Variants in SLC4A4 observed in about 807,000 individuals in gnomAD.
SLC4A4 encodes electrogenic sodium bicarbonate cotransporter 1.
SLC4A4 carries 27 observed loss-of-function variants against 111.5 expected under a neutral mutation model. That is an observed-to-expected ratio of 0.24 (90% CI 0.18 to 0.33). The LOEUF is 0.33. Among genes scored for constraint, SLC4A4 ranks in the 10% least tolerant of loss-of-function variants. SLC4A4 has a pLI of 1.00. For missense variants in SLC4A4, 909 were observed against 1,315.5 expected, an observed-to-expected ratio of 0.69 and a Z score of 4.78; for synonymous variants, 443 against 463.4, an observed-to-expected ratio of 0.96 and a Z score of 0.57.
chr4:71,181,592 T>C lies in SLC4A4; in HGVS notation c.-1-54984T>C, dbSNP rs115889556. On this transcript the variant is annotated intron_variant, in intron 2 of 26. Transcript: ENST00000649996. ...AGCCTGAAATCTGTCTTAATAGAAA[T>C]ATATCCTGGGTAAGTAAGCTTCTCT... 7.1e-3 allele frequency among the ~76,000 whole-genome samples: 1,079 copies of C among 152,274 alleles called. 7 individuals are homozygous for C. Among genetic ancestry groups the C allele is most frequent in the Middle Eastern group, 0.027 (8 of 294 alleles).
At chr4:71,105,234 A>C (rs1176994785) in intron 2 of SLC4A4, among the ~76,000 whole-genome samples, 2 of 150,310 alleles carry the variant, frequency 1.3e-5, no homozygotes, top group African/African-American at 4.9e-5. Context: ...GGACCTCTTC[A>C]AGGAGAACTA....
intron 6 of SLC4A4, 125 bp from the exon 7 acceptor site, chr4:71,397,452 C>T (rs141554305): frequency 1.3e-4 from 112 of 853,942 alleles, no homozygotes; most frequent in African/African-American, 2.3e-4. Flanking sequence ...CAGAAGAATC[C>T]TAGTGTGGTT....
chr4:71,153,149 G>A (rs1023853663), intron 2 of SLC4A4, among the ~76,000 whole-genome samples: 1 of 151,710 alleles, frequency 6.6e-6, no homozygotes, highest in African/African-American at 2.4e-5. Context: ...GCCAGTCCGA[G>A]TCCCAAAACT....
chr4:71,436,983 A>T, intron 7 of SLC4A4: 1 of 351,908 alleles, frequency 2.8e-6, no homozygotes, highest in Non-Finnish European at 5.4e-6. Context: ...AAAAAAAAAG[A>T]TTCTTCAAAA....
chr4:71,157,844 G>A (rs1400197766), intron 2 of SLC4A4, among the ~76,000 whole-genome samples: 1 of 152,116 alleles, frequency 6.6e-6, no homozygotes, highest in Non-Finnish European at 1.5e-5. Context: ...CTCTAACAAG[G>A]AAAGCAACAG....
chr4:71,192,366 T>TA (rs1745771160), intron 1 of SLC4A4, among the ~76,000 whole-genome samples: 1 of 152,218 alleles, frequency 6.6e-6, no homozygotes, highest in Non-Finnish European at 1.5e-5. Context: ...ACTTTACTCC[T>TA]AGGACATCCC....
chr4:71,423,525 A>C (rs1343488093), intron 7 of SLC4A4, among the ~76,000 whole-genome samples: 1 of 152,210 alleles, frequency 6.6e-6, no homozygotes, highest in African/African-American at 2.4e-5. Context: ...AAGAGCCCGC[A>C]TCGCCAAGTC....
chr4:71,530,440 G>A (rs971696334), intron 16 of SLC4A4, among the ~76,000 whole-genome samples: 1 of 152,096 alleles, frequency 6.6e-6, no homozygotes, highest in Non-Finnish European at 1.5e-5. Context: ...AAATAATGGT[G>A]CAGGAGTTCC....
chr4:71,479,657 T>G (rs1728692550), intron 14 of SLC4A4, among the ~76,000 whole-genome samples: 1 of 151,800 alleles, frequency 6.6e-6, no homozygotes, highest in Non-Finnish European at 1.5e-5. Flanking sequence ...AATCATAAAC[T>G]AATGGTAAAA....
At position 71,349,823 on chromosome 4, in the gene SLC4A4, G is replaced by A. The variant is rs566761942; in HGVS notation, c.390-89G>A. ...AAAAAGAGACATTTTGGAAGTGCTG[G>A]AAGGGGTGAAGATGGAGGGGTTGAG... On this transcript the variant is annotated intron_variant, in intron 4 of 25. Transcript: ENST00000264485. The A allele has an allele frequency of 2.5e-6, 3 of 1,189,576 alleles. No homozygotes were observed. The African/African-American group carries it at 4.5e-5, about 18-fold the overall frequency. The allele number at this position is 1,189,576 out of a possible 1,614,324, so 73.7% of individuals were successfully genotyped here.
intron 2 of SLC4A4, among the ~76,000 whole-genome samples, chr4:71,114,445 G>A (rs562409396): frequency 6.7e-6 from 1 of 149,532 alleles, no homozygotes; most frequent in African/African-American, 2.5e-5. Flanking sequence ...ATCTGACAAA[G>A]GGCTAATATC....
chr4:71,453,263 A>G (rs949284748), intron 11 of SLC4A4, among the ~76,000 whole-genome samples: 1 of 152,192 alleles, frequency 6.6e-6, no homozygotes, highest in African/African-American at 2.4e-5. Context: ...CTAAAGACCA[A>G]CTGGCTGATC....
At chr4:71,501,034 G>A (rs1730874952) in intron 16 of SLC4A4, among the ~76,000 whole-genome samples, 2 of 152,128 alleles carry the variant, frequency 1.3e-5, no homozygotes, top group Admixed American at 6.5e-5. Context: ...TGCATCAGTA[G>A]ATTGCTTTGG....
At chr4:71,217,569 C>CA (rs1292255996) in intron 1 of SLC4A4, among the ~76,000 whole-genome samples, 1 of 151,962 alleles carries the variant, frequency 6.6e-6, no homozygotes. Context: ...TCTCAAAAAA[C>CA]AAAAACAAAA....
intron 1 of SLC4A4, among the ~76,000 whole-genome samples, chr4:71,217,916 G>A (rs1184769821): frequency 6.6e-6 from 1 of 152,154 alleles, no homozygotes; most frequent in Non-Finnish European, 1.5e-5. Context: ...TTCCTTTTTG[G>A]CTTTGGCTGA....
rs74481847 is a variant in SLC4A4, at chr4:71,306,563, C to A, written c.254-32807C>A. Reference sequence around the variant, plus strand: ...GCGCCACTGCACTCCAGTTTGGCAACAGAGTGAGACTCCGTCTCAAAAAAA... The same window carrying A: ...GCGCCACTGCACTCCAGTTTGGCAAAAGAGTGAGACTCCGTCTCAAAAAAA... On this transcript the variant is annotated intron_variant, in intron 3 of 25. Coordinates refer to ENST00000264485, the MANE Select transcript of SLC4A4 (RefSeq NM_001098484.3). Among the ~76,000 whole-genome samples, 438 of 151,660 alleles carry A rather than the reference C, an allele frequency of 2.9e-3. 1 individual carries two copies. Among genetic ancestry groups the A allele is most frequent in the African/African-American group, 9.2e-3 (382 of 41,360 alleles).
chr4:71,072,521 A>T (rs1385408428), intron 1 of SLC4A4, among the ~76,000 whole-genome samples: 1 of 151,890 alleles, frequency 6.6e-6, no homozygotes, highest in Non-Finnish European at 1.5e-5. Context: ...TTCTCTTTTT[A>T]TTCATTTTTT....
At chr4:71,276,169 T>A (rs1445261702) in intron 3 of SLC4A4, among the ~76,000 whole-genome samples, 1 of 152,120 alleles carries the variant, frequency 6.6e-6, no homozygotes, top group Non-Finnish European at 1.5e-5. Flanking sequence ...TTTAAAAAGA[T>A]TATAGATTTG....
chr4:71,351,386 CAGAGAAACTCAGTGCAAGTCTA>C (rs1729815703), intron 5 of SLC4A4, among the ~76,000 whole-genome samples: 1 of 152,148 alleles, frequency 6.6e-6, no homozygotes, highest in African/African-American at 2.4e-5. Flanking sequence ...AACTGAGGTC[CAGAGAAACTCAGTGCAAGTCTA>C]AGATCAAAGA....
Sources: gnomAD v4.1 joint callset for allele counts (sites outside exome capture counted in the v4.1 genomes callset) on GRCh38, gnomAD v4.1.1 for gene constraint, MANE v1.5 for transcripts, NCBI Gene and HGNC (gene_info 2026-07-23, HGNC 2026-07-21) for gene names.